Variants in EVL observed in about 807,000 individuals in gnomAD.
EVL encodes the protein ena/VASP-like protein.
In EVL, 21 loss-of-function variants were observed where a neutral mutation model predicts 59.6. That is an observed-to-expected ratio of 0.35 (90% CI 0.25 to 0.51). The LOEUF is 0.51. Ranked by LOEUF, EVL falls within the 20% of genes least tolerant of loss-of-function variation. The pLI, the probability that EVL is intolerant of heterozygous loss-of-function variation, is 0.97. For synonymous variants in EVL, 198 were observed against 203.5 expected, an observed-to-expected ratio of 0.97 and a Z score of 0.23; for missense variants, 462 against 546.6, an observed-to-expected ratio of 0.85 and a Z score of 1.54.
chr14:100,024,239 T>C (rs1349208759), intron 1 of EVL, among the ~76,000 whole-genome samples: 1 of 152,216 alleles, frequency 6.6e-6, no homozygotes, highest in African/African-American at 2.4e-5. Flanking sequence ...TCTTGGGAAA[T>C]GTGATGGTTT....
At chr14:100,047,118 CTTTTTT>C (rs869205625) in intron 1 of EVL, among the ~76,000 whole-genome samples, 1 of 23,892 alleles carries the variant, frequency 4.2e-5, no homozygotes, top group African/African-American at 1.4e-4. Context: ...ATCTCTCTCT[CTTTTTT>C]TTTTTTTTTT....
chr14:99,997,690 G>T (rs560681031), intron 1 of EVL, among the ~76,000 whole-genome samples: 1 of 152,322 alleles, frequency 6.6e-6, no homozygotes, highest in South Asian at 2.1e-4. Context: ...AATAAACACA[G>T]ATTTCTCCTT....
intron 1 of EVL, among the ~76,000 whole-genome samples, chr14:99,992,109 C>T (rs1371817441): frequency 6.6e-6 from 1 of 152,108 alleles, no homozygotes; most frequent in African/African-American, 2.4e-5. Flanking sequence ...TGCATCCTTG[C>T]CAGCAGTTAT....
chr14:100,033,893 A>AAAAAC (rs1164644573), intron 1 of EVL, among the ~76,000 whole-genome samples: 6 of 152,136 alleles, frequency 3.9e-5, no homozygotes, highest in African/African-American at 1.4e-4. Flanking sequence ...ACTTCGTGGG[A>AAAAAC]AAAACAAAAC....
chr14:100,090,625 A>G (rs1056922186), intron 2 of EVL, among the ~76,000 whole-genome samples: 6 of 152,252 alleles, frequency 3.9e-5, no homozygotes, highest in African/African-American at 1.2e-4. Context: ...GATTTATTCC[A>G]GGAATGCAAG....
intron 6 of EVL, 77 bp from the exon 7 acceptor site, chr14:100,129,486 T>C (rs1888295032): frequency 1.9e-6 from 3 of 1,596,510 alleles, no homozygotes; most frequent in Non-Finnish European, 2.6e-6. Context: ...CACAGTCCCC[T>C]GCATCCCCTC....
At chr14:100,005,664 CA>C (rs1295219349) in intron 1 of EVL, among the ~76,000 whole-genome samples, 17 of 151,968 alleles carry the variant, frequency 1.1e-4, no homozygotes, top group African/African-American at 3.1e-4. Context: ...CACACACACA[CA>C]CACACCCCTT....
rs572410999 is a variant in EVL at position 100,000,973 on chromosome 14, T to C, written c.5+28916T>C. 5.9e-5 allele frequency among the ~76,000 whole-genome samples: 9 copies of C among 152,214 alleles called. No individual in the cohort carries two copies. In the East Asian group the frequency reaches 1.7e-3, roughly 29 times the overall value. Reference sequence around the variant, plus strand: ...GTAGGTCCTGAGTTATTAGGAATTATATTAATAGAATAATATTAGGAATAT... The same window carrying C: ...GTAGGTCCTGAGTTATTAGGAATTACATTAATAGAATAATATTAGGAATAT... On this transcript the variant is annotated intron_variant, in intron 1 of 13. Coordinates refer to the EVL transcript ENST00000402714.
At chr14:100,041,140 TC>T (rs2061461692) in intron 1 of EVL, among the ~76,000 whole-genome samples, 1 of 152,182 alleles carries the variant, frequency 6.6e-6, no homozygotes, top group Admixed American at 6.5e-5. Flanking sequence ...CAATAAGTGT[TC>T]CTCTTCCCCC....
chr14:100,066,703 G>A (rs1048246925), intron 1 of EVL, among the ~76,000 whole-genome samples: 21 of 152,182 alleles, frequency 1.4e-4, no homozygotes, highest in Non-Finnish European at 2.9e-4. Context: ...AAAACTTCTA[G>A]CAGCTTATTC....
At chr14:100,054,504 T>TGCCAC (rs2061696497) in intron 1 of EVL, among the ~76,000 whole-genome samples, 1 of 152,172 alleles carries the variant, frequency 6.6e-6, no homozygotes, top group Non-Finnish European at 1.5e-5. Flanking sequence ...CCCCAGCCAC[T>TGCCAC]TCCTTTATCT....
intron 3 of EVL, among the ~76,000 whole-genome samples, chr14:100,111,047 G>T (rs1026754328): frequency 6.6e-6 from 1 of 152,068 alleles, no homozygotes; most frequent in Non-Finnish European, 1.5e-5. Flanking sequence ...CAGGTGACAG[G>T]GTACCATGCC....
At chr14:100,111,466 G>A (rs1336358414) in intron 3 of EVL, among the ~76,000 whole-genome samples, 1 of 152,068 alleles carries the variant, frequency 6.6e-6, no homozygotes, top group Non-Finnish European at 1.5e-5. Context: ...CAGTTTCCTT[G>A]TCTTTAAAAT....
At chr14:99,977,830 T>TC (rs1422338824) in intron 1 of EVL, among the ~76,000 whole-genome samples, 1 of 151,968 alleles carries the variant, frequency 6.6e-6, no homozygotes, top group East Asian at 2.0e-4. Context: ...GCACGGTGGT[T>TC]CATGCCTGTA....
At chr14:100,019,657 A>G (rs1274798296) in intron 1 of EVL, 2 of 1,533,082 alleles carry the variant, frequency 1.3e-6, no homozygotes, top group Non-Finnish European at 1.7e-6. Context: ...ATTGTCTCTG[A>G]CTAGGTCATG....
intron 1 of EVL, among the ~76,000 whole-genome samples, chr14:100,042,867 A>C (rs572308199): frequency 6.6e-6 from 1 of 152,328 alleles, no homozygotes; most frequent in East Asian, 1.9e-4. Context: ...TATTGTAAAT[A>C]CATACTTACC....
intron 1 of EVL, chr14:100,074,782 C>G (rs2062125803): frequency 6.6e-6 from 1 of 152,560 alleles, no homozygotes; most frequent in Non-Finnish European, 1.5e-5. Flanking sequence ...AGAGAAGAGC[C>G]AAGCCATGCG....
At chr14:100,100,410 G>A (rs900048291) in intron 3 of EVL, among the ~76,000 whole-genome samples, 10 of 152,206 alleles carry the variant, frequency 6.6e-5, no homozygotes, top group East Asian at 3.9e-4. Context: ...TGCTTCAGCC[G>A]AGGTCCAAGC....
intron 1 of EVL, among the ~76,000 whole-genome samples, chr14:100,042,921 T>G (rs1189574994): frequency 6.6e-6 from 1 of 152,174 alleles, no homozygotes; most frequent in African/African-American, 2.4e-5. Flanking sequence ...ATATAAGCCC[T>G]GAGTCTGGTG....
Sources: allele counts gnomAD v4.1 joint callset (sites outside exome capture counted in the v4.1 genomes callset), GRCh38; gene constraint gnomAD v4.1.1; transcripts MANE v1.5; gene names NCBI Gene and HGNC (gene_info 2026-07-23, HGNC 2026-07-21).